Variants in DPP6 observed in about 807,000 individuals in gnomAD.
The protein encoded by DPP6 is A-type potassium channel modulatory protein DPP6.
In DPP6, 69 loss-of-function variants were observed where a neutral mutation model predicts 122.6. The ratio of observed to expected loss-of-function variants is 0.56; its 90% CI spans 0.46 to 0.69. The LOEUF (loss-of-function observed/expected upper bound fraction) is 0.69, where lower values mean the gene tolerates loss of function less well. Among genes scored for constraint, DPP6 ranks in the 30% least tolerant of loss-of-function variants. The pLI, the probability that DPP6 is intolerant of heterozygous loss-of-function variation, is 0.00. For missense variants in DPP6, 928 were observed against 1,116.9 expected, an observed-to-expected ratio of 0.83 and a Z score of 2.41; for synonymous variants, 418 against 433.1, an observed-to-expected ratio of 0.97 and a Z score of 0.43.
At chr7:154,349,321 G>A (rs940239569) in intron 1 of DPP6, among the ~76,000 whole-genome samples, 18 of 152,140 alleles carry the variant, frequency 1.2e-4, no homozygotes, top group Middle Eastern at 3.4e-3. Flanking sequence ...GATTACAGGC[G>A]CACGCCACCA....
At chr7:154,570,624 A>G (rs563452527) in intron 5 of DPP6, among the ~76,000 whole-genome samples, 1 of 152,352 alleles carries the variant, frequency 6.6e-6, no homozygotes, top group Non-Finnish European at 1.5e-5. Context: ...GAAATATCCT[A>G]ATAACGTTCC....
In DPP6 at chr7:154,876,091, A is replaced by T; in HGVS notation, c.2069A>T (p.Glu690Val). 1 of 1,593,822 alleles carries T rather than the reference A, an allele frequency of 6.3e-7. No individual in the cohort carries two copies. The highest frequency in any genetic ancestry group is 8.5e-7 in the Non-Finnish European group (1 of 1,169,626). ...TTGCTGGAGGAGAAGGACCAGATGG[A>T]GGCCGTGCGGTGAGCACCCGCCCAG... is the stretch of plus-strand genomic sequence containing the variant. ...LGLLEEKDQM[E>V]AVRTMLKEQY... The change falls in exon 20 of 26, where the codon GAG (glutamate) becomes GTG (valine). Residue 690 changes from glutamate (E) to valine (V), a missense_variant. Coordinates refer to ENST00000377770, the MANE Select transcript of DPP6 (RefSeq NM_130797.4).
In DPP6 at chr7:154,256,718, A is replaced by G. The variant is rs115246557; in HGVS notation, c.244-189496A>G. Among the ~76,000 whole-genome samples the G allele has an allele frequency of 4.1e-3, 623 of 152,326 alleles. 1 individual carries two copies. Among genetic ancestry groups the G allele is most frequent in the African/African-American group, 0.014 (577 of 41,588 alleles). On this transcript the variant is annotated intron_variant, in intron 1 of 25. Transcript: ENST00000377770. ...CCCCTTTGAGAATCGTCATTGTGGA[A>G]AGGAGAGAAACTTAGATTCTTGATT...
chr7:154,860,902 C>G (rs1452494355), intron 17 of DPP6, among the ~76,000 whole-genome samples: 1 of 152,206 alleles, frequency 6.6e-6, no homozygotes, highest in Non-Finnish European at 1.5e-5. Flanking sequence ...AAACCCATTT[C>G]AGACCTGGAG....
intron 1 of DPP6, among the ~76,000 whole-genome samples, chr7:154,363,484 T>A (rs1324871018): frequency 6.6e-6 from 1 of 152,140 alleles, no homozygotes; most frequent in Non-Finnish European, 1.5e-5. Flanking sequence ...ATGCTGAGGT[T>A]GGGAGCCTTC....
chr7:154,651,916 T>C (rs1434202043), intron 6 of DPP6, among the ~76,000 whole-genome samples: 3 of 152,202 alleles, frequency 2.0e-5, no homozygotes, highest in Non-Finnish European at 4.4e-5. Context: ...AGCCCCACTC[T>C]GAATAACACG....
intron 1 of DPP6, among the ~76,000 whole-genome samples, chr7:154,385,064 A>G (rs1390460653): frequency 6.6e-6 from 1 of 152,060 alleles, no homozygotes; most frequent in Non-Finnish European, 1.5e-5. Flanking sequence ...TCTGCCTCCC[A>G]GGTTCACGCC....
chr7:154,838,117 C>T (rs556076732), intron 16 of DPP6, among the ~76,000 whole-genome samples: 2 of 152,174 alleles, frequency 1.3e-5, no homozygotes, highest in Non-Finnish European at 1.5e-5. Context: ...TCCGTGTTCA[C>T]GAGGACAGGA....
chr7:154,518,254 AT>A (rs1303279847), intron 3 of DPP6, among the ~76,000 whole-genome samples: 1 of 152,216 alleles, frequency 6.6e-6, no homozygotes, highest in Non-Finnish European at 1.5e-5. Flanking sequence ...TGTTTCTTAA[AT>A]TAGAACCTTT....
At chr7:154,264,231 T>C (rs1803219986) in intron 1 of DPP6, among the ~76,000 whole-genome samples, 1 of 152,218 alleles carries the variant, frequency 6.6e-6, no homozygotes, top group Non-Finnish European at 1.5e-5. Flanking sequence ...GTAATGCATT[T>C]ACTGTGAAAA....
intron 8 of DPP6, among the ~76,000 whole-genome samples, chr7:154,734,639 G>T (rs1842492203): frequency 6.6e-6 from 1 of 152,140 alleles, no homozygotes; most frequent in South Asian, 2.1e-4. Flanking sequence ...GAAATGTTTG[G>T]TTAGACAAGG....
At chr7:154,890,873 A>G (rs1806545009) in intron 25 of DPP6, 1 of 152,214 alleles carries the variant, frequency 6.6e-6, no homozygotes, top group African/African-American at 2.4e-5. Flanking sequence ...AATAAAGATG[A>G]ATTTCACCCT....
In DPP6 at chr7:154,893,043, C is replaced by G; in HGVS notation, c.*563C>G. The G allele has an allele frequency of 2.1e-6, 1 of 466,382 alleles. No homozygotes were observed. Among genetic ancestry groups the G allele is most frequent in the Non-Finnish European group, 4.3e-6 (1 of 231,708 alleles). The allele number at this position is 466,382 out of a possible 1,614,324, so 28.9% of individuals were successfully genotyped here. On this transcript the variant is annotated 3_prime_UTR_variant, in exon 26 of 26. Coordinates refer to ENST00000377770, the MANE Select transcript of DPP6 (RefSeq NM_130797.4). ...AAACGCTTTTCTGTACAGAGTCTTA[C>G]TGTAGCTACGCTAATGGTTAACCTG...
At chr7:153,752,525 A>T in the DPP6 span, among the ~76,000 whole-genome samples, 1 of 151,708 alleles carries the variant, frequency 6.6e-6, no homozygotes, top group Admixed American at 6.6e-5. Context: ...CTGGGATTAC[A>T]GGCGTGAGCC....
intron 1 of DPP6, among the ~76,000 whole-genome samples, chr7:154,231,458 C>A (rs988402135): frequency 6.6e-6 from 1 of 152,116 alleles, no homozygotes; most frequent in Non-Finnish European, 1.5e-5. Context: ...ATGATTAGAA[C>A]CACGATGTAA....
At chr7:154,722,313 C>A (rs1017121652) in intron 7 of DPP6, among the ~76,000 whole-genome samples, 9 of 152,244 alleles carry the variant, frequency 5.9e-5, no homozygotes, top group Non-Finnish European at 1.3e-4. Flanking sequence ...CCTCTGTGCT[C>A]CCAGCACGTG....
intron 8 of DPP6, among the ~76,000 whole-genome samples, chr7:154,730,400 A>G (rs1842279740): frequency 6.6e-6 from 1 of 152,190 alleles, no homozygotes; most frequent in Non-Finnish European, 1.5e-5. Context: ...GTACATGGGA[A>G]GAATGCCCCA....
intron 1 of DPP6, among the ~76,000 whole-genome samples, chr7:154,335,932 G>A (rs746249585): frequency 4.6e-5 from 7 of 152,092 alleles, no homozygotes; most frequent in Non-Finnish European, 5.9e-5. Context: ...TCTAGGGGTT[G>A]CAAGACATCC....
At position 154,833,901 on chromosome 7, in the gene DPP6, AAGGCCTGG is replaced by A. The variant is rs1287359684; in HGVS notation, c.1667-19878_1667-19871del. Among the ~76,000 whole-genome samples the A allele has an allele frequency of 6.6e-6, 1 of 152,126 alleles. No individual in the cohort carries two copies. Among genetic ancestry groups the A allele is most frequent in the African/African-American group, 2.4e-5 (1 of 41,412 alleles). ...GTGGCCTTAGCAGAACTGGATATGGAAGGCCTGGGCTAGGCCTGGATGGTCCCGGGGCT... is the reference window on the plus strand; with the variant it reads ...GTGGCCTTAGCAGAACTGGATATGGAGCTAGGCCTGGATGGTCCCGGGGCT... On this transcript the variant is annotated intron_variant, in intron 16 of 25. Coordinates refer to ENST00000377770, the MANE Select transcript of DPP6 (RefSeq NM_130797.4). This position sits in a 1 kb window ranked among gnomAD's most constrained non-coding sequence, Gnocchi z 4.3.
Sources: gnomAD v4.1 joint callset for allele counts (sites outside exome capture counted in the v4.1 genomes callset) on GRCh38, gnomAD v4.1.1 for gene constraint, Gnocchi (gnomAD v3.1) non-coding constraint, MANE v1.5 for transcripts, NCBI Gene and HGNC (gene_info 2026-07-23, HGNC 2026-07-21) for gene names.